Variants in TMEM41B observed in about 807,000 individuals in gnomAD.
The protein encoded by TMEM41B is protein stasimon.
TMEM41B carries 18 observed loss-of-function variants against 31.9 expected under a neutral mutation model. The ratio of observed to expected loss-of-function variants is 0.56; its 90% CI spans 0.39 to 0.84. The LOEUF is 0.84. TMEM41B is among the 40% of genes least tolerant of loss of function. The probability of loss-of-function intolerance (pLI) is 0.00; values close to 1 mark genes in which losing one functional copy is unlikely to be tolerated. For missense variants in TMEM41B, 322 were observed against 348.0 expected, an observed-to-expected ratio of 0.93 and a Z score of 0.59; for synonymous variants, 144 against 124.3, an observed-to-expected ratio of 1.16 and a Z score of -1.05.
At chr11:9,289,335 T>A (rs377316512) in intron 3 of TMEM41B, among the ~76,000 whole-genome samples, 3 of 137,210 alleles carry the variant, frequency 2.2e-5, no homozygotes, top group Non-Finnish European at 4.8e-5. Context: ...TTTTTTTTTT[T>A]ACTTTCCTGT....
At chr11:9,295,039 A>C (rs1194350413) in intron 3 of TMEM41B, 1 of 632,578 alleles carries the variant, frequency 1.6e-6, no homozygotes, top group Admixed American at 4.7e-5. Flanking sequence ...AAAGCAGAAT[A>C]CAAAAGAACT....
intron 1 of TMEM41B, among the ~76,000 whole-genome samples, chr11:9,312,561 CCT>C (rs913974552): frequency 6.6e-5 from 10 of 152,142 alleles, no homozygotes; most frequent in Admixed American, 1.3e-4. Flanking sequence ...ACATCTCTTC[CCT>C]GTCTTCCTAT....
intron 6 of TMEM41B, among the ~76,000 whole-genome samples, chr11:9,285,238 C>T (rs1320459867): frequency 6.6e-6 from 1 of 152,022 alleles, no homozygotes; most frequent in African/African-American, 2.4e-5. Flanking sequence ...GCACCTGCCA[C>T]CACATTCAGC....
At chr11:9,289,569 A>G (rs909851207) in intron 3 of TMEM41B, among the ~76,000 whole-genome samples, 7 of 151,928 alleles carry the variant, frequency 4.6e-5, no homozygotes, top group African/African-American at 1.7e-4. Flanking sequence ...CTACAAAACT[A>G]CTCAGTTGTC....
At chr11:9,285,084 CTT>C (rs1852806199) in intron 6 of TMEM41B, among the ~76,000 whole-genome samples, 1 of 128,362 alleles carries the variant, frequency 7.8e-6, no homozygotes, top group South Asian at 2.5e-4. Flanking sequence ...TTCTTTCCTT[CTT>C]TCTTTTTTTT....
Position 9,281,000 on chromosome 11 carries a change from A to G in TMEM41B, c.*2424T>C, listed in dbSNP as rs973153291. On this transcript the variant is annotated 3_prime_UTR_variant, in exon 7 of 7. Transcript: ENST00000528080. ...GATGATGAATCTGGAAAAACTGTCT[A>G]TTCTCTTAGGAGAAGAAAATATACC... The G allele has an allele frequency of 3.3e-5, 5 of 152,148 alleles. No individual in the cohort carries two copies. Among genetic ancestry groups the G allele is most frequent in the Admixed American group, 3.3e-4 (5 of 15,262 alleles). 9.4% of individuals were successfully genotyped at this position (152,148 alleles called of 1,614,324 possible).
In TMEM41B at chr11:9,314,507, G is replaced by T. The variant is rs1459098119; in HGVS notation, c.-66C>A. The T allele has an allele frequency of 7.4e-6, 11 of 1,491,738 alleles. No homozygotes were observed. The highest frequency in any genetic ancestry group is 1.4e-5 in the African/African-American group (1 of 71,072). 92.4% of individuals were successfully genotyped at this position (1,491,738 alleles called of 1,614,324 possible). ...CCTAAACAACAAAACTCTGTTGCAG[G>T]CTCCTTACTACGCCGAAGCGCCACG... On this transcript the variant is annotated 5_prime_UTR_variant, in exon 1 of 7. Coordinates refer to ENST00000528080, the MANE Select transcript of TMEM41B (RefSeq NM_015012.4).
At chr11:9,301,072 A>C (rs1327200285) in intron 1 of TMEM41B, among the ~76,000 whole-genome samples, 1 of 151,952 alleles carries the variant, frequency 6.6e-6, no homozygotes, top group Non-Finnish European at 1.5e-5. Flanking sequence ...CCTTGTATAC[A>C]CTGATAATAC....
At chr11:9,310,782 A>C (rs1853541599) in intron 1 of TMEM41B, among the ~76,000 whole-genome samples, 2 of 151,574 alleles carry the variant, frequency 1.3e-5, no homozygotes, top group South Asian at 2.1e-4. Flanking sequence ...CCAAAATGGC[A>C]GTCAAAGCTC....
intron 2 of TMEM41B, among the ~76,000 whole-genome samples, 154 bp downstream of exon 2, chr11:9,299,430 C>A (rs2133632450): frequency 6.6e-6 from 1 of 151,218 alleles, no homozygotes; most frequent in South Asian, 2.1e-4. Flanking sequence ...GCCGTGTTGC[C>A]CAGGCTGGTC....
At chr11:9,304,718 C>G (rs563546905) in intron 1 of TMEM41B, among the ~76,000 whole-genome samples, 7 of 151,754 alleles carry the variant, frequency 4.6e-5, no homozygotes, top group African/African-American at 1.7e-4. Flanking sequence ...AGTGCAGTGG[C>G]GTGATCCTGG....
chr11:9,305,000 C>T (rs1023902340), intron 1 of TMEM41B, among the ~76,000 whole-genome samples: 3 of 151,932 alleles, frequency 2.0e-5, no homozygotes, highest in Non-Finnish European at 4.4e-5. Flanking sequence ...CTATTTTGCC[C>T]AGGCTGGTCT....
At chr11:9,312,709 T>C (rs1853589870) in intron 1 of TMEM41B, among the ~76,000 whole-genome samples, 1 of 151,974 alleles carries the variant, frequency 6.6e-6, no homozygotes, top group Non-Finnish European at 1.5e-5. Flanking sequence ...ATCGAGACCA[T>C]CCTGGCTAAC....
Position 9,282,940 on chromosome 11 carries a change from G to GAAAAAAAA in TMEM41B, c.*476_*483dup, listed in dbSNP as rs56313114. The GAAAAAAAA allele has an allele frequency of 2.2e-5, 2 of 92,602 alleles. No individual in the cohort carries two copies. The highest frequency in any genetic ancestry group is 2.1e-5 in the Non-Finnish European group (1 of 46,898). The allele number at this position is 92,602 out of a possible 1,614,324, so 5.7% of individuals were successfully genotyped here. ...CAGAGCTAGACTCCGTCTCAAAACA[G>GAAAAAAAA]AAAAAAAAAAAAAAAAAAAAAGAGG... is the stretch of plus-strand genomic sequence containing the variant. On this transcript the variant is annotated 3_prime_UTR_variant, in exon 7 of 7. Transcript: ENST00000528080.
chr11:9,306,601 GC>G (rs1177645931), intron 1 of TMEM41B, among the ~76,000 whole-genome samples: 2 of 152,034 alleles, frequency 1.3e-5, no homozygotes, highest in Non-Finnish European at 2.9e-5. Flanking sequence ...CAGGAAATCG[GC>G]ATTAACCCGG....
intron 2 of TMEM41B, among the ~76,000 whole-genome samples, chr11:9,295,918 G>T (rs1010811229): frequency 6.6e-6 from 1 of 151,744 alleles, no homozygotes; most frequent in African/African-American, 2.4e-5. Context: ...GTGCATTGGC[G>T]CGATCTCGGC....
chr11:9,310,574 A>C (rs138532632), intron 1 of TMEM41B, among the ~76,000 whole-genome samples: 179 of 152,192 alleles, frequency 1.2e-3, no homozygotes, highest in African/African-American at 4.1e-3. Context: ...CTTGCTAGTA[A>C]ATACATAGGT....
intron 5 of TMEM41B, 74 bp from the exon 6 acceptor site, chr11:9,286,667 A>C: frequency 1.4e-6 from 2 of 1,422,562 alleles, no homozygotes; most frequent in Non-Finnish European, 1.9e-6. Flanking sequence ...TAAACACCTT[A>C]TTTCAAATTC....
At chr11:9,309,377 C>G (rs1000888347) in intron 1 of TMEM41B, among the ~76,000 whole-genome samples, 5 of 151,856 alleles carry the variant, frequency 3.3e-5, no homozygotes, top group Admixed American at 6.6e-5. Context: ...AGCAAGGGTT[C>G]CAGTGGGTTT....
Sources: allele counts gnomAD v4.1 joint callset (sites outside exome capture counted in the v4.1 genomes callset), GRCh38; gene constraint gnomAD v4.1.1; transcripts MANE v1.5; gene names NCBI Gene and HGNC (gene_info 2026-07-23, HGNC 2026-07-21).